TBC1D22A: variants seen among roughly 807,000 people sequenced by gnomAD.
The protein encoded by TBC1D22A is TBC1 domain family member 22A.
TBC1D22A carries 38 observed loss-of-function variants against 60.2 expected under a neutral mutation model. That is an observed-to-expected ratio of 0.63 (90% confidence interval 0.49 to 0.83). The LOEUF is 0.83. TBC1D22A is among the 40% of genes least tolerant of loss of function. The pLI is 0.00. For synonymous variants in TBC1D22A, 302 were observed against 281.7 expected (o/e 1.07, Z -0.72); for missense variants, 628 against 701.0 (o/e 0.90, Z 1.18).
At chr22:46,789,372 G>A (rs774864805) in intron 1 of TBC1D22A, 18 of 455,266 alleles carry the variant, frequency 4.0e-5, no homozygotes, top group African/African-American at 6.1e-5. Flanking sequence ...TGATCCGCCC[G>A]CCTCGGCCTC....
At chr22:46,945,898 C>T (rs2072508641) in intron 8 of TBC1D22A, among the ~76,000 whole-genome samples, 1 of 152,204 alleles carries the variant, frequency 6.6e-6, no homozygotes, top group Admixed American at 6.5e-5. Context: ...ATTTTGTACC[C>T]TTTTCTTTAG....
chr22:47,099,165 G>A (rs1358360745), intron 11 of TBC1D22A, among the ~76,000 whole-genome samples: 2 of 152,216 alleles, frequency 1.3e-5, no homozygotes, highest in South Asian at 2.1e-4. Flanking sequence ...GTCACCGTGT[G>A]GAAGTGCAGA....
intron 1 of TBC1D22A, among the ~76,000 whole-genome samples, chr22:46,786,357 A>G (rs2084160252): frequency 6.6e-6 from 1 of 152,218 alleles, no homozygotes; most frequent in Non-Finnish European, 1.5e-5. Flanking sequence ...TTTCTTGGAT[A>G]AATTCCACTT....
chr22:46,997,849 G>C (rs2075173706), intron 10 of TBC1D22A, 140 bp downstream of exon 10: 3 of 667,704 alleles, frequency 4.5e-6, no homozygotes, highest in Non-Finnish European at 5.2e-6. Flanking sequence ...TTCTGAGACA[G>C]CTGCTGGTGC....
rs538299514 is a variant in TBC1D22A, at chr22:46,792,553, C to A, written c.96C>A (p.Pro32=). Residue 32 remains proline (P), a synonymous_variant, in exon 2 of 13, where the codon CCC becomes CCA. Coordinates refer to ENST00000337137, the MANE Select transcript of TBC1D22A (RefSeq NM_014346.5). ...IQHVYGAQHP[P]FDPLLHGTLL... ...ACGTGTATGGTGCCCAGCACCCCCC[C>A]TTTGATCCACTGTTACATGGCACGT... The A allele has an allele frequency of 1.2e-6, 2 of 1,614,250 alleles. No homozygotes were observed. The highest frequency in any genetic ancestry group is 2.2e-5 in the South Asian group (2 of 91,086).
At chr22:46,983,766 TA>T (rs770830334) in intron 9 of TBC1D22A, among the ~76,000 whole-genome samples, 23 of 149,238 alleles carry the variant, frequency 1.5e-4, no homozygotes, top group East Asian at 5.8e-4. Context: ...GATACTTAAT[TA>T]AAAAAAAAAT....
intron 12 of TBC1D22A, chr22:47,115,965 G>GA (rs1016784335): frequency 1.3e-5 from 2 of 152,230 alleles, no homozygotes; most frequent in Non-Finnish European, 2.9e-5. Flanking sequence ...AGCTATCCCG[G>GA]AACATCTTCA....
chr22:46,825,407 C>T (rs1398871329), intron 4 of TBC1D22A, among the ~76,000 whole-genome samples: 7 of 152,198 alleles, frequency 4.6e-5, no homozygotes, highest in African/African-American at 1.7e-4. Context: ...CCAGGAGATG[C>T]AGAGAACTTT....
At chr22:46,835,965 G>A (rs933060905) in intron 4 of TBC1D22A, among the ~76,000 whole-genome samples, 12 of 152,048 alleles carry the variant, frequency 7.9e-5, no homozygotes, top group Non-Finnish European at 1.2e-4. Flanking sequence ...AAAACCTGCC[G>A]ACTAAGAATA....
chr22:47,079,898 G>T lies in TBC1D22A; in HGVS notation c.1330-31610G>T, dbSNP rs186772155. The stretch of plus-strand genomic sequence containing the variant: ...GCTGTTTGCAGATGAAGCACTTTAC[G>T]TGTAATAACATGGATAGAAAAAATG... On this transcript the variant is annotated intron_variant, in intron 11 of 12. Coordinates refer to ENST00000337137, the MANE Select transcript of TBC1D22A (RefSeq NM_014346.5). 3.9e-5 allele frequency among the ~76,000 whole-genome samples: 6 copies of T among 152,284 alleles called. No homozygotes were observed. In the East Asian group the frequency reaches 1.2e-3, roughly 29 times the overall value.
chr22:46,973,260 C>T (rs1458109245), intron 8 of TBC1D22A, among the ~76,000 whole-genome samples: 1 of 151,638 alleles, frequency 6.6e-6, no homozygotes, highest in Non-Finnish European at 1.5e-5. Flanking sequence ...CTGGCACCCC[C>T]CTCCCCATGT....
Position 47,131,855 on chromosome 22 carries a change from G to A in TBC1D22A, c.1425+20252G>A, listed in dbSNP as rs573104307. On this transcript the variant is annotated intron_variant, in intron 12 of 12. Coordinates refer to ENST00000337137, the MANE Select transcript of TBC1D22A (RefSeq NM_014346.5). Reference sequence around the variant, plus strand: ...CCAGAAGTGAGTGCACAGTCCCGGGGCGCCCGCCCCGTCCAAGCCCAGCTG... The same window carrying A: ...CCAGAAGTGAGTGCACAGTCCCGGGACGCCCGCCCCGTCCAAGCCCAGCTG... 3.9e-5 allele frequency among the ~76,000 whole-genome samples: 6 copies of A among 152,332 alleles called. No homozygotes were observed. The East Asian group carries it at 1.2e-3, about 29-fold the overall frequency.
chr22:46,843,180 T>G (rs2086846791), intron 4 of TBC1D22A, among the ~76,000 whole-genome samples: 1 of 152,206 alleles, frequency 6.6e-6, no homozygotes. Context: ...CTGCTCGCCT[T>G]TAGCTCAGGG....
At chr22:47,013,059 C>T (rs2061801867) in intron 10 of TBC1D22A, among the ~76,000 whole-genome samples, 1 of 152,242 alleles carries the variant, frequency 6.6e-6, no homozygotes, top group East Asian at 1.9e-4. Flanking sequence ...AGCCTCCCGC[C>T]CCGTGCGCGA....
intron 10 of TBC1D22A, among the ~76,000 whole-genome samples, chr22:47,021,090 A>G (rs1485853273): frequency 6.6e-6 from 1 of 152,220 alleles, no homozygotes; most frequent in African/African-American, 2.4e-5. Context: ...CCTGATGAGG[A>G]TGCAGGCCTG....
rs947907139 is a variant in TBC1D22A, at chr22:47,173,968, C to T, written c.*342C>T. ...CGGGGCAGCCTAGGAGGCCGACCCT[C>T]TTTGGAGTCCTGCTGTCTGGGTGCC... On this transcript the variant is annotated 3_prime_UTR_variant, in exon 13 of 13. Coordinates refer to ENST00000337137, the MANE Select transcript of TBC1D22A (RefSeq NM_014346.5). 2.2e-5 allele frequency: 5 copies of T among 230,194 alleles called. No individual in the cohort carries two copies. The East Asian group carries it at 5.5e-4, about 26-fold the overall frequency. 14.3% of individuals were successfully genotyped at this position (230,194 alleles called of 1,614,324 possible).
intron 11 of TBC1D22A, among the ~76,000 whole-genome samples, chr22:47,052,523 C>G (rs759809821): frequency 6.6e-6 from 1 of 152,180 alleles, no homozygotes; most frequent in African/African-American, 2.4e-5. Flanking sequence ...TGAGACCCTC[C>G]CACAGTGGGG....
intron 12 of TBC1D22A, among the ~76,000 whole-genome samples, chr22:47,156,558 A>G (rs2067727323): frequency 1.3e-5 from 2 of 152,094 alleles, no homozygotes; most frequent in South Asian, 4.1e-4. Context: ...GAACACCAGG[A>G]TGGGCAGCCT....
chr22:46,823,973 C>T lies in TBC1D22A; in HGVS notation c.637+26353C>T, dbSNP rs1206938030. On this transcript the variant is annotated intron_variant, in intron 4 of 12. Transcript: ENST00000337137. The stretch of plus-strand genomic sequence containing the variant: ...ACCACCCAGGGCGACAGTGCCAGCC[C>T]GGGTGTGATTTAAAGTGTCCCTGTA... Among the ~76,000 whole-genome samples, 8 of 152,102 alleles carry T rather than the reference C, an allele frequency of 5.3e-5. No individual in the cohort carries two copies. In the East Asian group the frequency reaches 1.2e-3, roughly 22 times the overall value.
Sources: allele counts gnomAD v4.1 joint callset (sites outside exome capture counted in the v4.1 genomes callset), GRCh38; gene constraint gnomAD v4.1.1; transcripts MANE v1.5; gene names NCBI Gene and HGNC (gene_info 2026-07-23, HGNC 2026-07-21).